The following OSBP2 variants were observed in gnomAD, a reference collection of about 807,000 sequenced individuals.
OSBP2 encodes the protein oxysterol-binding protein 2.
Under a neutral mutation model 96.0 loss-of-function variants are expected in OSBP2, and 66 were observed. The observed-to-expected ratio is 0.69, with a 90% CI of 0.56 to 0.84. The LOEUF is 0.84. OSBP2 is among the 40% of genes least tolerant of loss of function. The probability of loss-of-function intolerance (pLI) is 0.00; values close to 1 mark genes in which losing one functional copy is unlikely to be tolerated. For synonymous variants in OSBP2, 525 were observed against 520.9 expected (o/e 1.01, Z -0.11); for missense variants, 1,038 against 1,222.7 (o/e 0.85, Z 2.25).
intron 1 of OSBP2, among the ~76,000 whole-genome samples, chr22:30,717,300 G>A (rs928555172): frequency 6.6e-6 from 1 of 151,940 alleles, no homozygotes; most frequent in Non-Finnish European, 1.5e-5. Context: ...GTGAGATAAG[G>A]GTCTAACTTC....
intron 3 of OSBP2, among the ~76,000 whole-genome samples, chr22:30,875,004 C>T (rs1352559538): frequency 2.0e-5 from 3 of 152,210 alleles, no homozygotes; most frequent in Admixed American, 1.3e-4. Context: ...GTGTCCCCGA[C>T]AGTAGCTCCG....
At chr22:30,788,857 C>T (rs181451369) in intron 2 of OSBP2, among the ~76,000 whole-genome samples, 32 of 152,170 alleles carry the variant, frequency 2.1e-4, no homozygotes, top group African/African-American at 6.3e-4. Flanking sequence ...GGATTACAGG[C>T]GCCTGCCACC....
At chr22:30,710,243 C>CA (rs2145684164) in intron 1 of OSBP2, among the ~76,000 whole-genome samples, 1 of 152,314 alleles carries the variant, frequency 6.6e-6, no homozygotes, top group East Asian at 1.9e-4. Flanking sequence ...GATGGTTACT[C>CA]AGAGGTGCAG....
intron 2 of OSBP2, among the ~76,000 whole-genome samples, chr22:30,866,933 C>G (rs938501333): frequency 2.0e-5 from 3 of 152,216 alleles, no homozygotes; most frequent in Non-Finnish European, 4.4e-5. Context: ...CATTGTTCAG[C>G]TGTGCCTCTG....
At chr22:30,864,940 T>C (rs1017193000) in intron 2 of OSBP2, among the ~76,000 whole-genome samples, 13 of 152,160 alleles carry the variant, frequency 8.5e-5, no homozygotes, top group Admixed American at 8.5e-4. Flanking sequence ...GCAGGGCCTC[T>C]GCCCCCTAAG....
At chr22:30,712,147 C>G (rs1431094468) in intron 1 of OSBP2, among the ~76,000 whole-genome samples, 1 of 152,150 alleles carries the variant, frequency 6.6e-6, no homozygotes, top group African/African-American at 2.4e-5. Context: ...ACCCTGTTCT[C>G]CAGATCTCCT....
chr22:30,859,814 G>A (rs776202965), intron 2 of OSBP2, among the ~76,000 whole-genome samples: 1 of 152,248 alleles, frequency 6.6e-6, no homozygotes, highest in Non-Finnish European at 1.5e-5. Context: ...ACAAAGGAAA[G>A]TTTAATTTCC....
chr22:30,876,571 G>A (rs756604023), intron 3 of OSBP2, among the ~76,000 whole-genome samples: 2 of 152,166 alleles, frequency 1.3e-5, no homozygotes, highest in Non-Finnish European at 2.9e-5. Flanking sequence ...CTCCCGACCC[G>A]TTCCCCACAG....
Position 30,764,429 on chromosome 22 carries a change from G to C in OSBP2, c.853+23060G>C, listed in dbSNP as rs115570947. ...AAGAATTTCCTCCTGTTCCTGTTGG[G>C]TGTGATCCCACTGAGGTGGAAATAA... is the stretch of plus-strand genomic sequence containing the variant. On this transcript the variant is annotated intron_variant, in intron 2 of 13. Coordinates refer to ENST00000332585, the MANE Select transcript of OSBP2 (RefSeq NM_030758.4). 4,473 of 980,644 alleles carry C rather than the reference G, an allele frequency of 4.6e-3. 138 individuals are homozygous for C. In the African/African-American group the frequency reaches 0.069, roughly 15 times the overall value. The allele number at this position is 980,644 out of a possible 1,614,324, so 60.7% of individuals were successfully genotyped here. A position where few individuals can be genotyped will look rare whatever the true frequency, so the allele number is the denominator to read the frequency against.
intron 2 of OSBP2, among the ~76,000 whole-genome samples, chr22:30,811,489 G>C (rs1049121020): frequency 6.6e-6 from 1 of 151,126 alleles, no homozygotes; most frequent in East Asian, 1.9e-4. Context: ...AGGATTACAG[G>C]CATGCACCAC....
At chr22:30,714,414 T>A (rs923111596) in intron 1 of OSBP2, among the ~76,000 whole-genome samples, 2 of 152,154 alleles carry the variant, frequency 1.3e-5, no homozygotes, top group African/African-American at 4.8e-5. Context: ...TCTTGTGTTT[T>A]TTTTTTGTTG....
At chr22:30,884,739 A>G (rs1054013296) in intron 3 of OSBP2, among the ~76,000 whole-genome samples, 6 of 151,620 alleles carry the variant, frequency 4.0e-5, no homozygotes, top group Non-Finnish European at 7.4e-5. Context: ...AGCCTTGGGG[A>G]GCCTCCCACC....
chr22:30,699,889 T>C (rs763711943), intron 1 of OSBP2, among the ~76,000 whole-genome samples: 5 of 152,148 alleles, frequency 3.3e-5, no homozygotes, highest in Non-Finnish European at 7.3e-5. Flanking sequence ...CTATGAGATA[T>C]GGATAATTGT....
chr22:30,729,869 G>T lies in OSBP2; in HGVS notation c.645-11292G>T, dbSNP rs560431622. Among the ~76,000 whole-genome samples, 4 of 152,114 alleles carry T rather than the reference G, an allele frequency of 2.6e-5. No individual in the cohort carries two copies. In the South Asian group the frequency reaches 8.3e-4, roughly 32 times the overall value. On this transcript the variant is annotated intron_variant, in intron 1 of 13. Transcript: ENST00000332585. ...AAATACAAAAATTAGCCAGGCTCTC[G>T]TGGACTTCAGCTCTTGTGGACTTCA...
intron 2 of OSBP2, among the ~76,000 whole-genome samples, chr22:30,812,227 G>A (rs533683207): frequency 7.3e-5 from 11 of 151,708 alleles, no homozygotes; most frequent in Admixed American, 2.0e-4. Flanking sequence ...GTGCAGTAGC[G>A]CAATCTCAGC....
At chr22:30,752,797 G>T (rs539046697) in intron 2 of OSBP2, among the ~76,000 whole-genome samples, 1 of 152,262 alleles carries the variant, frequency 6.6e-6, no homozygotes, top group East Asian at 1.9e-4. Context: ...ATATGTCAAA[G>T]AAATGTATTT....
At chr22:30,866,132 A>T (rs1313017410) in intron 2 of OSBP2, among the ~76,000 whole-genome samples, 1 of 152,222 alleles carries the variant, frequency 6.6e-6, no homozygotes, top group Non-Finnish European at 1.5e-5. Flanking sequence ...TCCATGTCCT[A>T]ATCCCCAGAG....
intron 2 of OSBP2, among the ~76,000 whole-genome samples, chr22:30,780,647 G>A (rs1327157629): frequency 4.6e-5 from 7 of 151,986 alleles, no homozygotes; most frequent in East Asian, 3.9e-4. Context: ...ACAGGCGCCC[G>A]CCACCACACC....
At position 30,890,961 on chromosome 22, in the gene OSBP2, CCT is replaced by C. The variant is rs1231164644; in HGVS notation, c.1860_1861del (p.Cys621Ter). ...DRLDDMGLRS[L>X]CEQVSHHPPS... ...GCCTCGACGACATGGGCCTGCGCTCCCTCTGTGAGCAGGTGAGGGGGCTAGGC... is the reference window on the plus strand; with the variant it reads ...GCCTCGACGACATGGGCCTGCGCTCCCTGTGAGCAGGTGAGGGGGCTAGGC... On this transcript the variant is annotated frameshift_variant, in exon 8 of 14. Coordinates refer to ENST00000332585, the MANE Select transcript of OSBP2 (RefSeq NM_030758.4). LOFTEE classifies it high-confidence loss of function. This position sits in a 1 kb window ranked among gnomAD's most constrained non-coding sequence, Gnocchi z 4.4. 4.4e-6 allele frequency: 7 copies of C among 1,607,902 alleles called. No homozygotes were observed. The highest frequency in any genetic ancestry group is 5.9e-6 in the Non-Finnish European group (7 of 1,179,968).
Sources: allele counts gnomAD v4.1 joint callset (sites outside exome capture counted in the v4.1 genomes callset), GRCh38; gene constraint gnomAD v4.1.1; non-coding constraint Gnocchi (gnomAD v3.1); transcripts MANE v1.5; gene names NCBI Gene and HGNC (gene_info 2026-07-23, HGNC 2026-07-21).